The following CEP170 variants were observed in gnomAD, a reference collection of about 807,000 sequenced individuals.
CEP170 encodes the protein centrosomal protein 170.
Under a neutral mutation model 151.9 loss-of-function variants are expected in CEP170, and 21 were observed. The ratio of observed to expected loss-of-function variants is 0.14; its 90% confidence interval spans 0.10 to 0.20. The LOEUF (loss-of-function observed/expected upper bound fraction) is 0.20, where lower values mean the gene tolerates loss of function less well. Among genes scored for constraint, CEP170 ranks in the 10% least tolerant of loss-of-function variants. CEP170 has a pLI of 1.00. For missense variants in CEP170, 964 were observed against 1,892.9 expected (o/e 0.51, Z 9.11); for synonymous variants, 356 against 648.8 (o/e 0.55, Z 6.86).
chr1:243,191,986 A>G (rs564248961), intron 7 of CEP170, among the ~76,000 whole-genome samples: 1 of 152,332 alleles, frequency 6.6e-6, no homozygotes, highest in African/African-American at 2.4e-5. Context: ...ACAAACATGA[A>G]GTAAATATGT....
Position 243,186,400 on chromosome 1 carries a change from C to T in CEP170, c.1131G>A (p.Thr377=), listed in dbSNP as rs766093606. 7 of 1,607,020 alleles carry T rather than the reference C, an allele frequency of 4.4e-6. No individual in the cohort carries two copies. Among genetic ancestry groups the T allele is most frequent in the African/African-American group, 1.3e-5 (1 of 74,406 alleles). ...RLKGNKHDDG[T]QSDSENAGAH... is the part of the protein sequence containing the mutation. ...CCCCAGCGTTCTCTGAATCACTTTG[C>T]GTACCATCATCATGTTTATTTCCTG... The change falls in exon 9 of 20, where the codon ACG becomes ACA. Residue 377 remains threonine, a synonymous_variant. Transcript: ENST00000366542.
chr1:243,188,531 C>A (rs1361433807), intron 8 of CEP170, among the ~76,000 whole-genome samples: 3 of 152,166 alleles, frequency 2.0e-5, no homozygotes, highest in Non-Finnish European at 4.4e-5. Flanking sequence ...TCACCAAGTT[C>A]TTTTCTTTCC....
chr1:243,155,325 A>G (rs1454680044), intron 14 of CEP170, among the ~76,000 whole-genome samples: 3 of 151,758 alleles, frequency 2.0e-5, no homozygotes, highest in African/African-American at 4.8e-5. Flanking sequence ...GAAATAAAGA[A>G]CAAAAAAGAT....
chr1:243,194,192 T>C (rs2060490955), intron 7 of CEP170, among the ~76,000 whole-genome samples: 1 of 151,466 alleles, frequency 6.6e-6, no homozygotes, highest in South Asian at 2.1e-4. Flanking sequence ...AGAGACAAGA[T>C]GAAAAACAAG....
At chr1:243,161,772 C>T (rs568618410) in intron 13 of CEP170, among the ~76,000 whole-genome samples, 142 of 152,240 alleles carry the variant, frequency 9.3e-4, no homozygotes, top group African/African-American at 3.3e-3. Context: ...ATACTGTGCA[C>T]AGCAACACTG....
At chr1:243,190,639 G>C (rs1419655472) in intron 8 of CEP170, among the ~76,000 whole-genome samples, 1 of 152,042 alleles carries the variant, frequency 6.6e-6, no homozygotes, top group Non-Finnish European at 1.5e-5. Context: ...TCAGAATCTA[G>C]ATATTGATCT....
chr1:243,227,636 G>A (rs1473544084), intron 1 of CEP170, among the ~76,000 whole-genome samples: 2 of 152,158 alleles, frequency 1.3e-5, no homozygotes, highest in African/African-American at 4.8e-5. Flanking sequence ...GGAGTATACA[G>A]CAATGATGAA....
At chr1:243,132,028 A>G (rs1300290350) in intron 17 of CEP170, among the ~76,000 whole-genome samples, 4 of 152,188 alleles carry the variant, frequency 2.6e-5, no homozygotes, top group South Asian at 4.1e-4. Context: ...TCATTTTCAC[A>G]TGGAATGCAA....
intron 1 of CEP170, among the ~76,000 whole-genome samples, chr1:243,246,953 A>G (rs186293949): frequency 8.2e-4 from 125 of 152,248 alleles, no homozygotes; most frequent in African/African-American, 2.9e-3. Context: ...CTTACCACAA[A>G]AAGTCCTGTA....
intron 10 of CEP170, among the ~76,000 whole-genome samples, chr1:243,182,791 C>T (rs1361307917): frequency 1.3e-5 from 2 of 152,156 alleles, no homozygotes; most frequent in African/African-American, 2.4e-5. Context: ...ACGACTAGCT[C>T]AGCTGGCAAT....
At chr1:243,200,862 C>T in intron 4 of CEP170, 27 bp from the exon 5 acceptor site, 1 of 1,584,148 alleles carries the variant, frequency 6.3e-7, no homozygotes, top group Non-Finnish European at 8.5e-7. Flanking sequence ...AAGAATATAA[C>T]CTCAAATTTC....
At chr1:243,194,370 G>GAT (rs1301179585) in intron 7 of CEP170, among the ~76,000 whole-genome samples, 1 of 151,678 alleles carries the variant, frequency 6.6e-6, no homozygotes, top group Non-Finnish European at 1.5e-5. Flanking sequence ...TATTGCTATT[G>GAT]ATATATATAA....
chr1:243,244,156 A>C (rs191321255), intron 1 of CEP170, among the ~76,000 whole-genome samples: 7 of 152,330 alleles, frequency 4.6e-5, no homozygotes, highest in Admixed American at 4.6e-4. Flanking sequence ...TCAAAATACA[A>C]GATATGCTGA....
chr1:243,244,295 AT>A (rs1293852139), intron 1 of CEP170, among the ~76,000 whole-genome samples: 1 of 152,006 alleles, frequency 6.6e-6, no homozygotes, highest in African/African-American at 2.4e-5. Context: ...GAGAATTTTC[AT>A]TACAAAAAAA....
chr1:243,183,581 A>G (rs1251851538), intron 10 of CEP170, among the ~76,000 whole-genome samples: 1 of 152,204 alleles, frequency 6.6e-6, no homozygotes, highest in Admixed American at 6.5e-5. Flanking sequence ...GACTTTAATT[A>G]GCCCGAATTT....
rs187571622 is a variant in CEP170, at chr1:243,184,635, T to C, written c.1566+1144A>G. On this transcript the variant is annotated intron_variant, in intron 10 of 19. Coordinates refer to ENST00000366542, the MANE Select transcript of CEP170 (RefSeq NM_014812.3). Reference sequence around the variant, plus strand: ...TCTCTTACAGTGTAGTAAGAGATTTTATACACTATAGAACACAATCCAAAA... The same window carrying C: ...TCTCTTACAGTGTAGTAAGAGATTTCATACACTATAGAACACAATCCAAAA... Among the ~76,000 whole-genome samples, 609 of 152,272 alleles carry C rather than the reference T, an allele frequency of 4.0e-3. 3 individuals carry two copies. The highest frequency in any genetic ancestry group is 6.9e-3 in the Non-Finnish European group (469 of 68,008).
rs906735512 is a variant in CEP170 at position 243,185,538 on chromosome 1, G to C, written c.1566+241C>G. Among the ~76,000 whole-genome samples the C allele has an allele frequency of 4.6e-5, 7 of 152,094 alleles. No homozygotes were observed. Among genetic ancestry groups the C allele is most frequent in the African/African-American group, 1.4e-4 (6 of 41,392 alleles). On this transcript the variant is annotated intron_variant, in intron 10 of 19. Coordinates refer to ENST00000366542, the MANE Select transcript of CEP170 (RefSeq NM_014812.3). The surrounding 1 kb of genome is among the most constrained non-coding windows in gnomAD (Gnocchi z 4.9). ...ATCTTTAATTTACACAAATTTAAAA[G>C]GTCCAAACCTTTTAAATGTACAGAG...
chr1:243,201,681 T>C (rs1181459186), intron 4 of CEP170, among the ~76,000 whole-genome samples: 1 of 152,100 alleles, frequency 6.6e-6, no homozygotes, highest in Non-Finnish European at 1.5e-5. Context: ...ATAAGGGAAG[T>C]AGGAAACTTG....
intron 1 of CEP170, among the ~76,000 whole-genome samples, chr1:243,241,628 A>C (rs1446060100): frequency 2.0e-5 from 3 of 151,936 alleles, no homozygotes; most frequent in Non-Finnish European, 2.9e-5. Context: ...CATCTCTACT[A>C]AAAATACAAA....
Sources: allele counts gnomAD v4.1 joint callset (sites outside exome capture counted in the v4.1 genomes callset), GRCh38; gene constraint gnomAD v4.1.1; non-coding constraint Gnocchi (gnomAD v3.1); transcripts MANE v1.5; gene names NCBI Gene and HGNC (gene_info 2026-07-23, HGNC 2026-07-21).